MGAT4C: variants seen among roughly 807,000 people sequenced by gnomAD.
MGAT4C encodes the protein alpha-1,3-mannosyl-glycoprotein 4-beta-N-acetylglucosaminyltransferase C.
MGAT4C carries 19 observed loss-of-function variants against 40.1 expected under a neutral mutation model. The observed-to-expected ratio is 0.47, with a 90% CI of 0.33 to 0.70. The LOEUF (loss-of-function observed/expected upper bound fraction) is 0.70. Among genes scored for constraint, MGAT4C ranks in the 30% least tolerant of loss-of-function variants. The pLI, the probability that MGAT4C is intolerant of heterozygous loss-of-function variation, is 0.02. For missense variants in MGAT4C, 491 were observed against 563.2 expected, an observed-to-expected ratio of 0.87 and a Z score of 1.30; for synonymous variants, 181 against 187.1, an observed-to-expected ratio of 0.97 and a Z score of 0.27.
intron 1 of MGAT4C, among the ~76,000 whole-genome samples, chr12:86,079,545 T>C (rs1870430218): frequency 6.6e-6 from 1 of 152,130 alleles, no homozygotes; most frequent in Non-Finnish European, 1.5e-5. Flanking sequence ...TCATTAAGTA[T>C]CACTATATAG....
At chr12:86,456,296 T>G (rs1292828598) in intron 2 of MGAT4C, among the ~76,000 whole-genome samples, 1 of 151,960 alleles carries the variant, frequency 6.6e-6, no homozygotes, top group Non-Finnish European at 1.5e-5. Context: ...TAAAAAAAAT[T>G]TGGGCAGCGG....
At chr12:86,606,550 C>A (rs186581158) in intron 2 of MGAT4C, among the ~76,000 whole-genome samples, 1 of 152,208 alleles carries the variant, frequency 6.6e-6, no homozygotes, top group East Asian at 1.9e-4. Flanking sequence ...CCTTTGTGAG[C>A]TAGAGCAGAG....
intron 2 of MGAT4C, among the ~76,000 whole-genome samples, chr12:86,019,677 T>G (rs537752616): frequency 1.3e-5 from 2 of 152,016 alleles, no homozygotes; most frequent in African/African-American, 4.8e-5. Flanking sequence ...AATGTGGGCT[T>G]TTTTTTGGTT....
intron 1 of MGAT4C, among the ~76,000 whole-genome samples, chr12:86,109,666 G>T (rs187847463): frequency 5.3e-5 from 8 of 151,912 alleles, no homozygotes; most frequent in Admixed American, 6.6e-5. Context: ...TAGAAAAAAG[G>T]AGAATGCAAG....
At chr12:86,111,951 C>A (rs1286118524) in intron 1 of MGAT4C, among the ~76,000 whole-genome samples, 1 of 151,794 alleles carries the variant, frequency 6.6e-6, no homozygotes, top group Non-Finnish European at 1.5e-5. Context: ...AAAAATATAA[C>A]TACTGGAAAA....
At chr12:86,001,035 T>C (rs1303033906) in intron 2 of MGAT4C, among the ~76,000 whole-genome samples, 1 of 152,166 alleles carries the variant, frequency 6.6e-6, no homozygotes, top group Non-Finnish European at 1.5e-5. Context: ...CATAATTTTG[T>C]TGAAGGGAGG....
intron 3 of MGAT4C, among the ~76,000 whole-genome samples, chr12:86,399,574 C>T (rs1448136581): frequency 1.3e-5 from 2 of 152,302 alleles, no homozygotes; most frequent in East Asian, 1.9e-4. Context: ...AGCCACCGTG[C>T]CCGGGCCTGT....
chr12:86,475,878 C>G (rs1184874468), intron 2 of MGAT4C, among the ~76,000 whole-genome samples: 1 of 151,756 alleles, frequency 6.6e-6, no homozygotes, highest in East Asian at 1.9e-4. Context: ...AATTATTGTA[C>G]ACTCACCATT....
chr12:86,136,830 G>C (rs1172442856), intron 1 of MGAT4C, among the ~76,000 whole-genome samples: 2 of 152,164 alleles, frequency 1.3e-5, no homozygotes, highest in East Asian at 3.9e-4. Context: ...TGGAATTACA[G>C]GCACACACTA....
intron 1 of MGAT4C, among the ~76,000 whole-genome samples, chr12:86,756,583 A>C (rs1463220806): frequency 6.6e-6 from 1 of 152,188 alleles, no homozygotes; most frequent in African/African-American, 2.4e-5. Flanking sequence ...TAAACTGAAT[A>C]GCATATCACT....
intron 1 of MGAT4C, among the ~76,000 whole-genome samples, chr12:86,225,193 G>A (rs531057431): frequency 5.9e-5 from 9 of 152,068 alleles, no homozygotes; most frequent in Middle Eastern, 6.8e-3. Flanking sequence ...GGAAAACCTA[G>A]AGAAAATGGG....
At chr12:85,985,915 C>A (rs1471206933) in intron 3 of MGAT4C, among the ~76,000 whole-genome samples, 1 of 152,100 alleles carries the variant, frequency 6.6e-6, no homozygotes, top group Non-Finnish European at 1.5e-5. Flanking sequence ...GCACTAAATT[C>A]ATTTTACCAT....
chr12:86,367,277 A>G (rs1955617512), intron 3 of MGAT4C, among the ~76,000 whole-genome samples: 1 of 152,004 alleles, frequency 6.6e-6, no homozygotes, highest in African/African-American at 2.4e-5. Context: ...GCCAAACTTC[A>G]CCCTCATAAA....
At chr12:86,578,144 G>T (rs958066189) in intron 2 of MGAT4C, among the ~76,000 whole-genome samples, 1 of 151,722 alleles carries the variant, frequency 6.6e-6, no homozygotes, top group Non-Finnish European at 1.5e-5. Context: ...GTGTGGTAAG[G>T]GAGGAAAAGA....
chr12:86,838,252 C>T (rs1331286950), intron 1 of MGAT4C, among the ~76,000 whole-genome samples: 2 of 152,072 alleles, frequency 1.3e-5, no homozygotes, highest in South Asian at 4.1e-4. Flanking sequence ...GCATTTGAGA[C>T]AAAGTTTGTA....
intron 3 of MGAT4C, among the ~76,000 whole-genome samples, chr12:86,422,298 G>A (rs780941664): frequency 9.9e-5 from 15 of 152,190 alleles, no homozygotes; most frequent in South Asian, 2.1e-4. Flanking sequence ...ATATATAGCC[G>A]CTGTTCAAAA....
rs186436046 is a variant in MGAT4C at position 85,968,108 on chromosome 12, A to C, written c.*11181T>G. On this transcript the variant is annotated 3_prime_UTR_variant, in exon 5 of 5. Coordinates refer to ENST00000611864, the MANE Select transcript of MGAT4C (RefSeq NM_001351288.2). ...AACAAATAAATTGGAGATTTGGATC[A>C]TATGGGCTATGACTAAATGAGACAA... 6.6e-6 allele frequency: 1 copy of C among 152,172 alleles called. No individual in the cohort carries two copies. Among genetic ancestry groups the C allele is most frequent in the East Asian group, 1.9e-4 (1 of 5,184 alleles). The allele number at this position is 152,172 out of a possible 1,614,324, so 9.4% of individuals were successfully genotyped here.
At chr12:86,484,916 C>T (rs944021088) in intron 2 of MGAT4C, among the ~76,000 whole-genome samples, 1 of 152,128 alleles carries the variant, frequency 6.6e-6, no homozygotes, top group Admixed American at 6.6e-5. Context: ...TATAGCCACA[C>T]AGCTGATTTA....
At chr12:86,468,027 T>G (rs148286936) in intron 2 of MGAT4C, among the ~76,000 whole-genome samples, 37 of 152,256 alleles carry the variant, frequency 2.4e-4, no homozygotes, top group African/African-American at 8.9e-4. Context: ...CTACTTACAC[T>G]TACTTCTATT....
Sources: gnomAD v4.1 joint callset for allele counts (sites outside exome capture counted in the v4.1 genomes callset) on GRCh38, gnomAD v4.1.1 for gene constraint, MANE v1.5 for transcripts, NCBI Gene and HGNC (gene_info 2026-07-23, HGNC 2026-07-21) for gene names.